The following RREB1 variants were observed in gnomAD, a reference collection of about 807,000 sequenced individuals.
The protein encoded by RREB1 is ras-responsive element-binding protein 1.
A neutral mutation model predicts 117.8 loss-of-function variants in RREB1; 27 were observed. The observed-to-expected ratio is 0.23, with a 90% confidence interval of 0.17 to 0.32. The LOEUF (loss-of-function observed/expected upper bound fraction) is 0.32. Ranked by LOEUF, RREB1 falls within the 10% of genes least tolerant of loss-of-function variation. The pLI, the probability that RREB1 is intolerant of heterozygous loss-of-function variation, is 1.00. For synonymous variants in RREB1, 1,298 were observed against 1,026.7 expected (o/e 1.26, Z -5.05); for missense variants, 2,577 against 2,378.2 (o/e 1.08, Z -1.74).
intron 1 of RREB1, among the ~76,000 whole-genome samples, chr6:7,139,638 CA>C (rs575140292): frequency 2.2e-4 from 33 of 150,962 alleles, no homozygotes; most frequent in African/African-American, 6.6e-4. Context: ...GTTGGGCCTT[CA>C]AAAAAAAGTA....
At position 7,223,392 on chromosome 6, in the gene RREB1, T is replaced by C. The variant is rs1176371466; in HGVS notation, c.708-3075T>C. Among the ~76,000 whole-genome samples the C allele has an allele frequency of 2.3e-4, 34 of 151,030 alleles. 1 individual carries two copies. The highest frequency in any genetic ancestry group is 2.0e-3 in the Admixed American group (30 of 15,212). ...GCCTGGCCAACATGGAGAAACCCCG[T>C]CTCTACTAAAACACAAAAATTAGCT... On this transcript the variant is annotated intron_variant, in intron 8 of 12. Coordinates refer to ENST00000379938, the MANE Select transcript of RREB1 (RefSeq NM_001003699.4).
At chr6:7,194,182 C>T (rs1283479200) in intron 6 of RREB1, among the ~76,000 whole-genome samples, 2 of 152,016 alleles carry the variant, frequency 1.3e-5, no homozygotes, top group Non-Finnish European at 2.9e-5. Context: ...ATAGCATAGC[C>T]CTTGGTACTA....
intron 10 of RREB1, among the ~76,000 whole-genome samples, chr6:7,237,120 C>T (rs1041861367): frequency 2.6e-5 from 4 of 151,920 alleles, no homozygotes; most frequent in Non-Finnish European, 5.9e-5. Context: ...AATTCTTGCT[C>T]TGTAGCTCAG....
At chr6:7,195,535 G>A (rs182183658) in intron 6 of RREB1, among the ~76,000 whole-genome samples, 1 of 152,202 alleles carries the variant, frequency 6.6e-6, no homozygotes, top group African/African-American at 2.4e-5. Context: ...CCTGGGATGT[G>A]TGTGCAGGAA....
At chr6:7,109,071 C>T (rs981546910) in intron 1 of RREB1, among the ~76,000 whole-genome samples, 9 of 151,638 alleles carry the variant, frequency 5.9e-5, no homozygotes, top group Non-Finnish European at 8.9e-5. Flanking sequence ...GGAAGGAGGC[C>T]GGGAGCATCC....
intron 1 of RREB1, among the ~76,000 whole-genome samples, chr6:7,173,662 A>G (rs1164329717): frequency 6.6e-6 from 1 of 152,082 alleles, no homozygotes; most frequent in Non-Finnish European, 1.5e-5. Context: ...AAATGCAAAA[A>G]TTAAAGTTAG....
chr6:7,191,176 G>A (rs369083645), intron 6 of RREB1, among the ~76,000 whole-genome samples: 30 of 152,102 alleles, frequency 2.0e-4, no homozygotes, highest in African/African-American at 7.0e-4. Context: ...GGTGCTCTGG[G>A]TGTCATATCT....
intron 6 of RREB1, among the ~76,000 whole-genome samples, chr6:7,195,680 C>T (rs1765628356): frequency 6.6e-6 from 1 of 152,224 alleles, no homozygotes; most frequent in Admixed American, 6.5e-5. Flanking sequence ...GGTCTGTTGG[C>T]ACCTGCTGGG....
intron 2 of RREB1, among the ~76,000 whole-genome samples, chr6:7,179,574 T>G (rs72816946): frequency 6.6e-6 from 1 of 152,028 alleles, no homozygotes; most frequent in Non-Finnish European, 1.5e-5. Context: ...AAGAAGGAGG[T>G]GAGTTCAGTA....
At chr6:7,225,748 T>G (rs1767546210) in intron 8 of RREB1, among the ~76,000 whole-genome samples, 1 of 152,166 alleles carries the variant, frequency 6.6e-6, no homozygotes, top group Non-Finnish European at 1.5e-5. Flanking sequence ...TGTGTGTGCT[T>G]CTTACTGGCT....
intron 6 of RREB1, among the ~76,000 whole-genome samples, chr6:7,195,212 T>C (rs190258210): frequency 5.2e-4 from 79 of 152,364 alleles, no homozygotes; most frequent in Non-Finnish European, 1.1e-3. Flanking sequence ...AATAATATAT[T>C]TGAAATACTA....
chr6:7,239,466 C>T (rs115863881), intron 10 of RREB1, among the ~76,000 whole-genome samples: 58 of 152,270 alleles, frequency 3.8e-4, no homozygotes, highest in African/African-American at 1.2e-3. Flanking sequence ...CACATGCATC[C>T]GCACAAACCC....
At chr6:7,134,509 A>G (rs548349697) in intron 1 of RREB1, among the ~76,000 whole-genome samples, 16 of 152,320 alleles carry the variant, frequency 1.1e-4, no homozygotes, top group African/African-American at 3.6e-4. Context: ...TAAATGTAAG[A>G]TACTCTTTTA....
intron 6 of RREB1, among the ~76,000 whole-genome samples, chr6:7,204,061 A>C (rs993646324): frequency 1.5e-4 from 23 of 152,192 alleles, no homozygotes; most frequent in Non-Finnish European, 5.9e-5. Context: ...GCGAGCCTAC[A>C]GACTGTGGGT....
chr6:7,112,833 G>T (rs528024246), intron 1 of RREB1, among the ~76,000 whole-genome samples: 2 of 152,310 alleles, frequency 1.3e-5, no homozygotes, highest in Admixed American at 1.3e-4. Flanking sequence ...AATTTCTCTT[G>T]TCACGTTCTC....
rs377580437 is a variant in RREB1 at position 7,231,088 on chromosome 6, C to T, written c.2989C>T (p.Pro997Ser). The change falls in exon 10 of 13, where the codon CCG becomes TCG. Residue 997 changes from proline (P) to serine (S), a missense_variant. Coordinates refer to ENST00000379938, the MANE Select transcript of RREB1 (RefSeq NM_001003699.4). ...CCTGGAAAGCCCCATGGCCCCTGCT[C>T]CGGCGGCCACCCCGGAACCCCCAGC... Reference protein sequence around the residue: ...GILESPMAPAPAATPEPPAQP... With the variant: ...GILESPMAPASAATPEPPAQP... 5.0e-5 allele frequency: 80 copies of T among 1,613,244 alleles called. No homozygotes were observed. The highest frequency in any genetic ancestry group is 3.3e-4 in the Middle Eastern group (2 of 6,048).
intron 1 of RREB1, among the ~76,000 whole-genome samples, chr6:7,152,386 G>C (rs768620325): frequency 4.6e-5 from 7 of 152,012 alleles, no homozygotes; most frequent in Non-Finnish European, 1.0e-4. Flanking sequence ...ATTGTTAATT[G>C]ACTTTTTTTA....
chr6:7,178,055 T>G (rs1486913025), intron 2 of RREB1, among the ~76,000 whole-genome samples: 1 of 152,132 alleles, frequency 6.6e-6, no homozygotes, highest in Non-Finnish European at 1.5e-5. Flanking sequence ...AGGTGGGGTC[T>G]TGCTGTGTTT....
chr6:7,166,793 A>C (rs1039672494), intron 1 of RREB1, among the ~76,000 whole-genome samples: 4 of 152,208 alleles, frequency 2.6e-5, no homozygotes, highest in African/African-American at 9.7e-5. Flanking sequence ...GGGATTGCTT[A>C]GCTTGCAGCT....
Sources: gnomAD v4.1 joint callset for allele counts (sites outside exome capture counted in the v4.1 genomes callset) on GRCh38, gnomAD v4.1.1 for gene constraint, MANE v1.5 for transcripts, NCBI Gene and HGNC (gene_info 2026-07-23, HGNC 2026-07-21) for gene names.